CCDC197: variants seen among roughly 807,000 people sequenced by gnomAD.
The protein encoded by CCDC197 is uncharacterized protein CCDC197.
Under a neutral mutation model 13.4 loss-of-function variants are expected in CCDC197, and 24 were observed. That is an observed-to-expected ratio of 1.80 (90% CI 1.30 to 2.53). The LOEUF is 2.53. Among genes scored for constraint, CCDC197 ranks in the 30% most tolerant of loss-of-function variants. The pLI is 0.00. For synonymous variants in CCDC197, 99 were observed against 55.5 expected, an observed-to-expected ratio of 1.78 and a Z score of -3.48; for missense variants, 255 against 148.8, an observed-to-expected ratio of 1.71 and a Z score of -3.71.
In CCDC197 at chr14:93,998,070, G is replaced by A. The variant is rs1040036286; in HGVS notation, c.-62G>A. On this transcript the variant is annotated 5_prime_UTR_variant, in exon 2 of 7. Transcript: ENST00000636493. Reference sequence around the variant, plus strand: ...GGCTGTGACTGTCCCTTTTCGGTCTGTCTTCATCCTGCCTGACTCACGGGT... The same window carrying A: ...GGCTGTGACTGTCCCTTTTCGGTCTATCTTCATCCTGCCTGACTCACGGGT... The A allele has an allele frequency of 1.3e-6, 1 of 776,104 alleles. No homozygotes were observed. The highest frequency in any genetic ancestry group is 1.4e-5 in the South Asian group (1 of 73,982). The allele number at this position is 776,104 out of a possible 1,614,324, so 48.1% of individuals were successfully genotyped here.
chr14:93,998,462 G>T (rs1002607552), intron 2 of CCDC197, among the ~76,000 whole-genome samples: 1 of 152,186 alleles, frequency 6.6e-6, no homozygotes, highest in African/African-American at 2.4e-5. Context: ...GGCCAGTCCC[G>T]GGCCCTCTGC....
intron 4 of CCDC197, 116 bp downstream of exon 4, chr14:94,001,439 G>A (rs1001369922): frequency 7.2e-6 from 4 of 557,032 alleles, no homozygotes; most frequent in Non-Finnish European, 1.3e-5. Context: ...CGTAATGCTG[G>A]GGGGCCCTCG....
chr14:93,994,553 A>G (rs1393869645), upstream of CCDC197, among the ~76,000 whole-genome samples: 1 of 152,184 alleles, frequency 6.6e-6, no homozygotes, highest in African/African-American at 2.4e-5. Context: ...GCTCCCAAGG[A>G]GCTGCAGCCT....
chr14:94,005,521 A>G (rs968304506), intron 6 of CCDC197, among the ~76,000 whole-genome samples: 27 of 152,324 alleles, frequency 1.8e-4, no homozygotes, highest in Middle Eastern at 3.4e-3. Context: ...ATCAGTCAGG[A>G]TGCTGTTACT....
chr14:94,000,972 G>T, intron 3 of CCDC197, 173 bp from the exon 4 acceptor site: 3 of 457,926 alleles, frequency 6.6e-6, no homozygotes, highest in Non-Finnish European at 1.1e-5. Context: ...GAGGGCGGGG[G>T]GGCGGGTGTG....
At chr14:94,007,111 C>T (rs1260625959) in intron 6 of CCDC197, 3 of 152,358 alleles carry the variant, frequency 2.0e-5, no homozygotes, top group African/African-American at 7.2e-5. Flanking sequence ...AGATGTGAGC[C>T]ACTGCATCCG....
At chr14:94,006,657 T>C (rs535683030) in intron 6 of CCDC197, among the ~76,000 whole-genome samples, 1 of 150,444 alleles carries the variant, frequency 6.6e-6, no homozygotes, top group East Asian at 1.9e-4. Flanking sequence ...GTTCCCGGCC[T>C]ATTTGTCTTT....
chr14:94,010,548 C>G (rs900143735), downstream of CCDC197, among the ~76,000 whole-genome samples: 1 of 152,206 alleles, frequency 6.6e-6, no homozygotes, highest in African/African-American at 2.4e-5. Context: ...AGCCGCTGTT[C>G]CGAGTTTCTT....
intron 4 of CCDC197, among the ~76,000 whole-genome samples, chr14:94,002,105 T>G (rs1890533510): frequency 6.6e-6 from 1 of 152,214 alleles, no homozygotes; most frequent in Non-Finnish European, 1.5e-5. Flanking sequence ...TAGGTGCTAC[T>G]ATTCCAAGGG....
At chr14:93,996,252 A>C (rs1890298478), upstream of CCDC197, among the ~76,000 whole-genome samples, 1 of 149,170 alleles carries the variant, frequency 6.7e-6, no homozygotes, top group Non-Finnish European at 1.5e-5. Context: ...CTTCACCTTC[A>C]TTCTCAGTCG....
intron 1 of CCDC197, among the ~76,000 whole-genome samples, chr14:93,989,525 T>C (rs915758085): frequency 4.6e-5 from 7 of 152,146 alleles, no homozygotes; most frequent in Admixed American, 4.6e-4. Context: ...CTCCACACCC[T>C]TCCTAGGAAG....
chr14:94,001,249 G>C lies in CCDC197; in HGVS notation c.292G>C (p.Ala98Pro), dbSNP rs139512987. 3.8e-6 allele frequency: 3 copies of C among 780,866 alleles called. No homozygotes were observed. The highest frequency in any genetic ancestry group is 7.2e-6 in the Non-Finnish European group (3 of 418,026). The allele number at this position is 780,866 out of a possible 1,614,324, so 48.4% of individuals were successfully genotyped here. A position where few individuals can be genotyped will look rare whatever the true frequency, so the allele number is the denominator to read the frequency against. Residue 98 changes from alanine (A) to proline (P), a missense_variant, in exon 4 of 7, where the codon GCC (alanine) becomes CCC (proline). Coordinates refer to ENST00000636493, the MANE Select transcript of CCDC197 (RefSeq NM_001351596.2). ...ASQDTQKRLE[A>P]FCQMIQAVHR... The stretch of plus-strand genomic sequence containing the variant: ...CCAGGACACGCAGAAGCGCCTCGAG[G>C]CCTTCTGCCAGATGATCCAGGCTGT...
At chr14:94,005,024 A>T (rs1392367828) in intron 6 of CCDC197, 53 bp downstream of exon 6, 1 of 687,686 alleles carries the variant, frequency 1.5e-6, no homozygotes, top group African/African-American at 1.8e-5. Context: ...GCAAGACTCC[A>T]ACTTGAGCTA....
chr14:93,995,046 T>C (rs1890257011), upstream of CCDC197, among the ~76,000 whole-genome samples: 1 of 152,192 alleles, frequency 6.6e-6, no homozygotes, highest in Non-Finnish European at 1.5e-5. Flanking sequence ...AGCTTTGACG[T>C]CGGTGTGTCA....
upstream of CCDC197, among the ~76,000 whole-genome samples, chr14:93,994,624 A>G (rs1890253250): frequency 6.6e-6 from 1 of 152,218 alleles, no homozygotes; most frequent in African/African-American, 2.4e-5. Flanking sequence ...CAAAAATGAA[A>G]TTGTCACTGG....
In CCDC197 at chr14:93,997,987, C is replaced by T. The variant is rs74074305; in HGVS notation, c.-133-12C>T. 2.9e-3 allele frequency: 1,830 copies of T among 634,352 alleles called. 29 individuals are homozygous for T. The highest frequency in any genetic ancestry group is 0.028 in the African/African-American group (1,553 of 55,416). 39.3% of individuals were successfully genotyped at this position (634,352 alleles called of 1,614,324 possible). The stretch of plus-strand genomic sequence containing the variant: ...CAGCCCCTTTCTGAACCTCTGTCTC[C>T]TTTTCTGTGAGGTGGGGATGCTAAC... On this transcript the variant is annotated splice_polypyrimidine_tract_variant and intron_variant, in intron 1 of 6. Transcript: ENST00000636493.
chr14:94,006,356 A>ATTT (rs34620720), intron 6 of CCDC197, among the ~76,000 whole-genome samples: 2 of 142,632 alleles, frequency 1.4e-5, no homozygotes, highest in African/African-American at 5.2e-5. Context: ...GATTATTTGT[A>ATTT]TTTTTTTTTT....
chr14:94,001,120 T>C (rs1890484296), intron 3 of CCDC197, 25 bp from the exon 4 acceptor site: 1 of 747,596 alleles, frequency 1.3e-6, no homozygotes, highest in South Asian at 1.4e-5. Context: ...CACCCACCCA[T>C]CCCGCCATGG....
intron 6 of CCDC197, among the ~76,000 whole-genome samples, chr14:94,005,396 C>G (rs1280948100): frequency 6.6e-6 from 1 of 152,196 alleles, no homozygotes; most frequent in Non-Finnish European, 1.5e-5. Context: ...ATCACACTTA[C>G]ACATATGAGA....
Sources: gnomAD v4.1 joint callset for allele counts (sites outside exome capture counted in the v4.1 genomes callset) on GRCh38, gnomAD v4.1.1 for gene constraint, MANE v1.5 for transcripts, NCBI Gene and HGNC (gene_info 2026-07-23, HGNC 2026-07-21) for gene names.